The following TMEM132D variants were observed in gnomAD, a reference collection of about 807,000 sequenced individuals.
TMEM132D encodes mature OL transmembrane protein.
TMEM132D carries 21 observed loss-of-function variants against 62.3 expected under a neutral mutation model. The ratio of observed to expected loss-of-function variants is 0.34; its 90% confidence interval spans 0.24 to 0.49. TMEM132D has a LOEUF of 0.49. Ranked by LOEUF, TMEM132D falls within the 20% of genes least tolerant of loss-of-function variation. TMEM132D has a pLI of 0.99. For missense variants in TMEM132D, 1,346 were observed against 1,402.8 expected (o/e 0.96, Z 0.65); for synonymous variants, 621 against 575.6 (o/e 1.08, Z -1.13).
intron 2 of TMEM132D, among the ~76,000 whole-genome samples, chr12:129,586,836 T>C (rs1405150382): frequency 6.6e-6 from 1 of 152,148 alleles, no homozygotes; most frequent in African/African-American, 2.4e-5. Context: ...GAAGGTGGCA[T>C]TCCAAATCAA....
chr12:129,136,396 T>C (rs1402150577), intron 5 of TMEM132D, among the ~76,000 whole-genome samples: 1 of 152,350 alleles, frequency 6.6e-6, no homozygotes, highest in East Asian at 1.9e-4. Context: ...CCTACCTTTC[T>C]TGACCTTACC....
rs1292125231 is a variant in TMEM132D, at chr12:129,637,406, G to T, written c.968+62404C>A. Among the ~76,000 whole-genome samples, 50 of 152,190 alleles carry T rather than the reference G, an allele frequency of 3.3e-4. 1 individual carries two copies. On this transcript the variant is annotated intron_variant, in intron 2 of 8. Transcript: ENST00000422113. Reference sequence around the variant, plus strand: ...TTGAATTGTAATCTCAGTGTTGGAAGAGGGGCCTGTTGGGAGGTGACTGGA... The same window carrying T: ...TTGAATTGTAATCTCAGTGTTGGAATAGGGGCCTGTTGGGAGGTGACTGGA...
chr12:129,553,678 C>T lies in TMEM132D; in HGVS notation c.969-22473G>A, dbSNP rs568911438. Among the ~76,000 whole-genome samples, 30 of 152,310 alleles carry T rather than the reference C, an allele frequency of 2.0e-4. No homozygotes were observed. The South Asian group carries it at 6.0e-3, about 31-fold the overall frequency. ...GGGAAGAGATGCACAAATTGGGCTC[C>T]CCCAAGCTCCAGCACACCACAAGCA... On this transcript the variant is annotated intron_variant, in intron 2 of 8. Coordinates refer to ENST00000422113, the MANE Select transcript of TMEM132D (RefSeq NM_133448.3).
intron 4 of TMEM132D, among the ~76,000 whole-genome samples, chr12:129,239,716 A>C (rs907612898): frequency 6.6e-6 from 1 of 152,212 alleles, no homozygotes; most frequent in Non-Finnish European, 1.5e-5. Flanking sequence ...GCTGGCAACC[A>C]CTGGAGGTCA....
At chr12:129,293,678 G>C (rs879508174) in intron 4 of TMEM132D, among the ~76,000 whole-genome samples, 1 of 152,202 alleles carries the variant, frequency 6.6e-6, no homozygotes, top group African/African-American at 2.4e-5. Flanking sequence ...CTCACAAGGA[G>C]CGTGCAACCT....
intron 2 of TMEM132D, among the ~76,000 whole-genome samples, chr12:129,651,322 G>A (rs1226428594): frequency 6.6e-6 from 1 of 152,178 alleles, no homozygotes; most frequent in Non-Finnish European, 1.5e-5. Flanking sequence ...CTACAGGGAA[G>A]TGGAATTGTA....
chr12:129,183,844 G>A (rs1226103078), intron 5 of TMEM132D, among the ~76,000 whole-genome samples: 1 of 152,090 alleles, frequency 6.6e-6, no homozygotes, highest in Admixed American at 6.5e-5. Context: ...GGTGGTGGCT[G>A]TCCCCTTGGA....
chr12:129,745,610 T>A (rs1317495650), intron 1 of TMEM132D, among the ~76,000 whole-genome samples: 1 of 152,200 alleles, frequency 6.6e-6, no homozygotes, highest in Non-Finnish European at 1.5e-5. Context: ...ATAACCCATT[T>A]CACAGGGCCA....
At chr12:129,218,522 A>C (rs1056754649) in intron 4 of TMEM132D, among the ~76,000 whole-genome samples, 25 of 152,294 alleles carry the variant, frequency 1.6e-4, no homozygotes, top group Middle Eastern at 3.4e-3. Flanking sequence ...GTGTATCTCA[A>C]CATAGAAAAC....
intron 3 of TMEM132D, among the ~76,000 whole-genome samples, chr12:129,446,670 C>T (rs572137895): frequency 1.6e-4 from 24 of 152,328 alleles, no homozygotes; most frequent in Non-Finnish European, 8.8e-5. Context: ...ATTACTGCTT[C>T]CCATGCCATG....
chr12:129,415,859 C>T (rs983634373), intron 3 of TMEM132D, among the ~76,000 whole-genome samples: 3 of 152,176 alleles, frequency 2.0e-5, no homozygotes, highest in Non-Finnish European at 4.4e-5. Flanking sequence ...CCTTTTCAAC[C>T]AGAGCCTGGT....
chr12:129,352,182 C>T (rs1869888855), intron 3 of TMEM132D, among the ~76,000 whole-genome samples: 1 of 152,174 alleles, frequency 6.6e-6, no homozygotes. Context: ...ATAATGTGTA[C>T]TAAACAGACC....
intron 2 of TMEM132D, among the ~76,000 whole-genome samples, chr12:129,621,493 T>C (rs1879065432): frequency 2.2e-5 from 3 of 139,486 alleles, no homozygotes; most frequent in African/African-American, 8.4e-5. Context: ...CTCACTGCCA[T>C]ATCCCCACTG....
intron 5 of TMEM132D, among the ~76,000 whole-genome samples, chr12:129,181,596 C>T (rs1161229136): frequency 6.6e-6 from 1 of 152,158 alleles, no homozygotes; most frequent in Non-Finnish European, 1.5e-5. Context: ...TCGATCCTTC[C>T]CACCTCTCCC....
chr12:129,524,570 CA>C (rs918487539), intron 3 of TMEM132D, among the ~76,000 whole-genome samples: 110 of 152,006 alleles, frequency 7.2e-4, no homozygotes, highest in Non-Finnish European at 1.4e-3. Flanking sequence ...CTGCTATTAC[CA>C]AAAAAACGGC....
chr12:129,411,915 C>A (rs1254637920), intron 3 of TMEM132D, among the ~76,000 whole-genome samples: 1 of 152,150 alleles, frequency 6.6e-6, no homozygotes, highest in Non-Finnish European at 1.5e-5. Flanking sequence ...GCATATGGTA[C>A]CTTGGCCGGG....
intron 3 of TMEM132D, among the ~76,000 whole-genome samples, chr12:129,463,794 G>A (rs1873773384): frequency 6.6e-6 from 1 of 152,104 alleles, no homozygotes; most frequent in Non-Finnish European, 1.5e-5. Flanking sequence ...TCCCTACAAA[G>A]GACATAAACT....
chr12:129,241,664 T>C (rs936191873), intron 4 of TMEM132D, among the ~76,000 whole-genome samples: 3 of 152,330 alleles, frequency 2.0e-5, no homozygotes, highest in African/African-American at 4.8e-5. Flanking sequence ...TGGTTTTATA[T>C]CTCTCCTTCA....
In TMEM132D at chr12:129,373,375, G is replaced by C. The variant is rs575028702; in HGVS notation, c.1116-35558C>G. On this transcript the variant is annotated intron_variant, in intron 3 of 8. Transcript: ENST00000422113. ...AAGCCAGGCGCGGTGGCTCACGCCT[G>C]TAGTCCCAACACTTTGGGAGGACGA... Among the ~76,000 whole-genome samples, 3 of 152,312 alleles carry C rather than the reference G, an allele frequency of 2.0e-5. No homozygotes were observed. The East Asian group carries it at 5.8e-4, about 29-fold the overall frequency.
Sources: allele counts gnomAD v4.1 joint callset (sites outside exome capture counted in the v4.1 genomes callset), GRCh38; gene constraint gnomAD v4.1.1; transcripts MANE v1.5; gene names NCBI Gene and HGNC (gene_info 2026-07-23, HGNC 2026-07-21).